The following TENM4 variants were observed in gnomAD, a reference collection of about 807,000 sequenced individuals.
The protein encoded by TENM4 is teneurin-4.
TENM4 carries 82 observed loss-of-function variants against 243.3 expected under a neutral mutation model. That is an observed-to-expected ratio of 0.34 (90% CI 0.28 to 0.40). TENM4 has a LOEUF of 0.40. Among genes scored for constraint, TENM4 ranks in the 10% least tolerant of loss-of-function variants. The pLI is 1.00. For missense variants in TENM4, 3,138 were observed against 3,673.3 expected, an observed-to-expected ratio of 0.85 and a Z score of 3.77; for synonymous variants, 1,412 against 1,456.3, an observed-to-expected ratio of 0.97 and a Z score of 0.69.
At chr11:79,301,854 C>T (rs112582006) in intron 1 of TENM4, among the ~76,000 whole-genome samples, 2,180 of 152,262 alleles carry the variant, frequency 0.014, 62 homozygotes, top group African/African-American at 0.05. Flanking sequence ...CTTTGCTTTC[C>T]GCCATTATGG....
chr11:79,399,604 G>C (rs547125256), intron 1 of TENM4, among the ~76,000 whole-genome samples: 1 of 152,114 alleles, frequency 6.6e-6, no homozygotes, highest in Non-Finnish European at 1.5e-5. Flanking sequence ...AACAGGCATC[G>C]AGTCTTGCTT....
chr11:79,222,139 T>A (rs1251840109), intron 2 of TENM4, among the ~76,000 whole-genome samples: 1 of 152,176 alleles, frequency 6.6e-6, no homozygotes, highest in African/African-American at 2.4e-5. Flanking sequence ...TGACTGAGGA[T>A]CTGTGCTATG....
At chr11:79,236,012 C>T (rs1481885759) in intron 2 of TENM4, among the ~76,000 whole-genome samples, 1 of 152,152 alleles carries the variant, frequency 6.6e-6, no homozygotes, top group Non-Finnish European at 1.5e-5. Flanking sequence ...ATGCGCTCCT[C>T]TTCCAAAAGT....
At chr11:79,284,778 A>G (rs1419263967) in intron 2 of TENM4, among the ~76,000 whole-genome samples, 1 of 152,184 alleles carries the variant, frequency 6.6e-6, no homozygotes, top group Non-Finnish European at 1.5e-5. Context: ...ACAGAATGGG[A>G]AAAAAATTGC....
intron 19 of TENM4, among the ~76,000 whole-genome samples, chr11:78,750,785 G>A (rs1438603409): frequency 6.6e-6 from 1 of 152,182 alleles, no homozygotes; most frequent in African/African-American, 2.4e-5. Flanking sequence ...GTAATGGGGT[G>A]AGATATCTTC....
chr11:79,405,237 G>C (rs1858542720), intron 1 of TENM4, among the ~76,000 whole-genome samples: 1 of 151,944 alleles, frequency 6.6e-6, no homozygotes, highest in African/African-American at 2.4e-5. Context: ...TTATGAGCTA[G>C]GCACCCTCAT....
At chr11:78,754,232 G>A (rs1395392368) in intron 19 of TENM4, among the ~76,000 whole-genome samples, 1 of 152,208 alleles carries the variant, frequency 6.6e-6, no homozygotes, top group Non-Finnish European at 1.5e-5. Context: ...TGAAGACCAA[G>A]CTGGCCTCTC....
intron 1 of TENM4, among the ~76,000 whole-genome samples, chr11:79,435,725 G>C (rs1311548965): frequency 6.6e-6 from 1 of 152,194 alleles, no homozygotes; most frequent in African/African-American, 2.4e-5. Context: ...TGCTTATCAA[G>C]TCTCATTTTC....
rs761269282 is a variant in TENM4 at position 78,676,342 on chromosome 11, C to T, written c.5306G>A (p.Arg1769Gln). The part of the protein sequence containing the change: ...SYYIGADGSL[R>Q]LLLANGMEVA... Reference sequence around the variant, plus strand: ...CTCCATGCCGTTGGCCAGCAGCAGCCGCAAGGAGCCATCGGCCCCGATGTA... The same window carrying T: ...CTCCATGCCGTTGGCCAGCAGCAGCTGCAAGGAGCCATCGGCCCCGATGTA... Residue 1769 changes from arginine to glutamine, a missense_variant, in exon 30 of 34, where the codon CGG becomes CAG. Arg to Gln is a conservative substitution (Grantham distance 43). This residue lies in a region of TENM4 where 2,467 missense variants were observed against 3,059.1 expected (regional missense o/e 0.81). Coordinates refer to ENST00000278550, the MANE Select transcript of TENM4 (RefSeq NM_001098816.3). The T allele has an allele frequency of 2.8e-5, 45 of 1,609,208 alleles. No individual in the cohort carries two copies. The highest frequency in any genetic ancestry group is 3.4e-5 in the Non-Finnish European group (40 of 1,176,066).
At chr11:79,399,955 C>A (rs1467143051) in intron 1 of TENM4, among the ~76,000 whole-genome samples, 1 of 152,098 alleles carries the variant, frequency 6.6e-6, no homozygotes, top group Admixed American at 6.5e-5. Flanking sequence ...ATCTCTTTAG[C>A]CCAAACTCCC....
intron 6 of TENM4, among the ~76,000 whole-genome samples, chr11:78,917,509 A>G (rs1467559479): frequency 6.6e-6 from 1 of 152,060 alleles, no homozygotes; most frequent in Non-Finnish European, 1.5e-5. Context: ...TTTTTTTTAT[A>G]TCGGCTCAGG....
chr11:79,291,346 G>T (rs1187624481), intron 2 of TENM4, among the ~76,000 whole-genome samples: 1 of 152,200 alleles, frequency 6.6e-6, no homozygotes, highest in East Asian at 1.9e-4. Flanking sequence ...TCCAAAGAAG[G>T]TTTGCAAACA....
chr11:79,346,836 G>C (rs1857334041), intron 1 of TENM4, among the ~76,000 whole-genome samples: 1 of 152,206 alleles, frequency 6.6e-6, no homozygotes, highest in African/African-American at 2.4e-5. Flanking sequence ...CTCAGAAAAT[G>C]AAGTATCTGA....
At position 79,233,235 on chromosome 11, in the gene TENM4, A is replaced by T. The variant is rs112552184; in HGVS notation, c.-264-17326T>A. On this transcript the variant is annotated intron_variant, in intron 2 of 33. Coordinates refer to ENST00000278550, the MANE Select transcript of TENM4 (RefSeq NM_001098816.3). ...TGGTCTATTTCTTATCTAGCTCTGCATCCCAAGTCTAGCATGAACTCTGAC... is the reference window on the plus strand; with the variant it reads ...TGGTCTATTTCTTATCTAGCTCTGCTTCCCAAGTCTAGCATGAACTCTGAC... 3.4e-3 allele frequency among the ~76,000 whole-genome samples: 512 copies of T among 152,342 alleles called. 1 individual carries two copies. Among genetic ancestry groups the T allele is most frequent in the African/African-American group, 0.012 (489 of 41,568 alleles).
chr11:79,299,062 C>CCA (rs61589223), intron 1 of TENM4, among the ~76,000 whole-genome samples: 3,935 of 150,194 alleles, frequency 0.026, 62 homozygotes, highest in African/African-American at 0.051. Flanking sequence ...GGTGCTGTAT[C>CCA]CACACACACA....
In TENM4 at chr11:78,854,165, G is replaced by A. The variant is rs1447671998; in HGVS notation, c.1620C>T (p.His540=). The A allele has an allele frequency of 6.4e-7, 1 of 1,551,636 alleles. No homozygotes were observed. The highest frequency in any genetic ancestry group is 8.7e-7 in the Non-Finnish European group (1 of 1,146,996). ...FIQYLDSGIW[H]LAFYNDGKES... is the part of the protein sequence containing the mutation. ...CCTTTCCGTCATTGTAAAAAGCCAA[G>A]TGCCAGATTCCTGAATCCAAATACT... The change falls in exon 12 of 34, where the codon CAC becomes CAT. Residue 540 remains histidine, a synonymous_variant. Transcript: ENST00000278550.
chr11:78,900,664 T>C (rs780608642), intron 7 of TENM4, among the ~76,000 whole-genome samples: 2 of 152,164 alleles, frequency 1.3e-5, no homozygotes, highest in Non-Finnish European at 2.9e-5. Flanking sequence ...CGAATTCTTA[T>C]CCCAATTTAT....
chr11:78,731,589 C>T (rs1855669448), intron 21 of TENM4, among the ~76,000 whole-genome samples: 1 of 152,254 alleles, frequency 6.6e-6, no homozygotes, highest in Non-Finnish European at 1.5e-5. Context: ...TCTCCACTTC[C>T]TCAGGCCTTC....
intron 3 of TENM4, among the ~76,000 whole-genome samples, chr11:79,158,778 C>T (rs754511578): frequency 6.6e-6 from 1 of 152,184 alleles, no homozygotes; most frequent in Admixed American, 6.5e-5. Context: ...CAGGATCATA[C>T]AGGCAGGAGA....
Sources: gnomAD v4.1 joint callset for allele counts (sites outside exome capture counted in the v4.1 genomes callset) on GRCh38, gnomAD v4.1.1 for gene constraint, gnomAD v4.1.1 regional missense constraint, MANE v1.5 for transcripts, NCBI Gene and HGNC (gene_info 2026-07-23, HGNC 2026-07-21) for gene names.